Variants in TSPOAP1 observed in about 807,000 individuals in gnomAD.
The protein encoded by TSPOAP1 is peripheral-type benzodiazepine receptor-associated protein 1.
In TSPOAP1, 87 loss-of-function variants were observed where a neutral mutation model predicts 197.0. That is an observed-to-expected ratio of 0.44 (90% CI 0.37 to 0.53). The LOEUF (loss-of-function observed/expected upper bound fraction) is 0.53, where lower values mean the gene tolerates loss of function less well. TSPOAP1 is among the 20% of genes least tolerant of loss of function. The probability of loss-of-function intolerance (pLI) is 0.00; values close to 1 mark genes in which losing one functional copy is unlikely to be tolerated. For synonymous variants in TSPOAP1, 913 were observed against 998.9 expected (o/e 0.91, Z 1.62); for missense variants, 2,174 against 2,411.3 (o/e 0.90, Z 2.06).
intron 10 of TSPOAP1, among the ~76,000 whole-genome samples, chr17:58,321,086 T>G (rs1971391930): frequency 6.6e-6 from 1 of 152,110 alleles, no homozygotes; most frequent in African/African-American, 2.4e-5. Context: ...TGTATCCAAG[T>G]GCCTGTGGAC....
chr17:58,309,521 A>G lies in TSPOAP1; in HGVS notation c.3892-141T>C, dbSNP rs534665619. 1.4e-4 allele frequency: 167 copies of G among 1,229,236 alleles called. No individual in the cohort carries two copies. The South Asian group carries it at 2.5e-3, about 18-fold the overall frequency. The allele number at this position is 1,229,236 out of a possible 1,614,324, so 76.1% of individuals were successfully genotyped here. A position where few individuals can be genotyped will look rare whatever the true frequency, so the allele number is the denominator to read the frequency against. On this transcript the variant is annotated intron_variant, in intron 21 of 31. Coordinates refer to ENST00000343736, the MANE Select transcript of TSPOAP1 (RefSeq NM_004758.4). The surrounding 1 kb of genome is among the most constrained non-coding windows in gnomAD (Gnocchi z 5.0). ...CACAGCCCTCCCACGGCTTCCTCCG[A>G]GAGGAGAGAACCAGAGGGACGGTGG...
chr17:58,322,543 G>T lies in TSPOAP1; in HGVS notation c.1317+111C>A. On this transcript the variant is annotated intron_variant, in intron 9 of 31. Transcript: ENST00000343736. This position sits in a 1 kb window ranked among gnomAD's most constrained non-coding sequence, Gnocchi z 5.0. ...TACAAAGGAAACTGAGCCTGGAGCAGCTCCAGGCCCAGGCCTCAGAGCTAG... is the reference window on the plus strand; with the variant it reads ...TACAAAGGAAACTGAGCCTGGAGCATCTCCAGGCCCAGGCCTCAGAGCTAG... 6.4e-7 allele frequency: 1 copy of T among 1,557,296 alleles called. No individual in the cohort carries two copies. Among genetic ancestry groups the T allele is most frequent in the Admixed American group, 1.8e-5 (1 of 56,368 alleles).
chr17:58,303,387 G>A (rs866473046), intron 31 of TSPOAP1: 3 of 152,240 alleles, frequency 2.0e-5, no homozygotes, highest in African/African-American at 7.2e-5. Context: ...CAAGGAAAGT[G>A]GGTGCACAAC....
chr17:58,319,387 G>C, intron 12 of TSPOAP1, 93 bp from the exon 13 acceptor site: 1 of 1,355,000 alleles, frequency 7.4e-7, no homozygotes. Flanking sequence ...TGGGTTTCAG[G>C]TCATATCCAT....
intron 14 of TSPOAP1, 66 bp from the exon 15 acceptor site, chr17:58,316,606 T>C (rs1971244540): frequency 3.7e-6 from 5 of 1,359,486 alleles, no homozygotes. Context: ...GCAGGCAGGT[T>C]TCCAGGCTGA....
At chr17:58,306,765 G>A in intron 25 of TSPOAP1, 35 bp downstream of exon 25, 1 of 1,588,604 alleles carries the variant, frequency 6.3e-7, no homozygotes, top group Non-Finnish European at 8.6e-7. Context: ...AAGGGGGCTG[G>A]TGGGAGGTGG....
rs2143174922 is a variant in TSPOAP1 at position 58,327,790 on chromosome 17, T to C, written c.131A>G (p.Asp44Gly). The change falls in exon 1 of 32, where the codon GAT becomes GGT. Residue 44 changes from aspartate (D) to glycine (G), a missense_variant. Coordinates refer to ENST00000343736, the MANE Select transcript of TSPOAP1 (RefSeq NM_004758.4). ...EPSSAAPSIA[D>G]TPPAALQLQE... ...AAGCTGCAGAGCTGCCGGAGGAGTA[T>C]CAGCGATGCTTGGGGCTGCACTGCT... 1.2e-6 allele frequency: 2 copies of C among 1,614,174 alleles called. No homozygotes were observed. The highest frequency in any genetic ancestry group is 1.3e-5 in the African/African-American group (1 of 75,050).
intron 25 of TSPOAP1, 137 bp downstream of exon 25, chr17:58,306,663 C>T: frequency 8.6e-7 from 1 of 1,158,220 alleles, no homozygotes. Flanking sequence ...CACTACGCAG[C>T]AGGGTTCAAG....
Position 58,310,916 on chromosome 17 carries a change from G to A in TSPOAP1, c.3379C>T (p.Pro1127Ser), listed in dbSNP as rs749790178. Residue 1127 changes from proline (P) to serine (S), a missense_variant, in exon 19 of 32, where the codon CCT becomes TCT. Physicochemically the swap from Pro to Ser is moderately conservative, Grantham distance 74. Around this residue, in one of 5 missense-constraint regions of TSPOAP1, gnomAD observed 1,933 missense variants for 2,139.0 expected, o/e 0.90. Coordinates refer to ENST00000343736, the MANE Select transcript of TSPOAP1 (RefSeq NM_004758.4). ...QHPAPLGTQEPPGAPPASPSR... is the reference protein window; with the variant it reads ...QHPAPLGTQESPGAPPASPSR... ...GGGCTTGCAGGGGGTGCTCCTGGAG[G>A]CTCTTGAGTTCCAAGGGGAGCAGGG... 5 of 1,551,718 alleles carry A rather than the reference G, an allele frequency of 3.2e-6. No homozygotes were observed. The highest frequency in any genetic ancestry group is 2.3e-5 in the East Asian group (1 of 44,432).
chr17:58,317,593 G>A (rs528400450), intron 14 of TSPOAP1, among the ~76,000 whole-genome samples: 54 of 152,294 alleles, frequency 3.5e-4, no homozygotes, highest in African/African-American at 6.3e-4. Flanking sequence ...CCAGGGCTTC[G>A]TTCTACCACT....
intron 17 of TSPOAP1, 41 bp from the exon 18 acceptor site, chr17:58,311,763 T>A (rs1971084448): frequency 1.3e-6 from 2 of 1,523,048 alleles, no homozygotes; most frequent in South Asian, 2.6e-5. Flanking sequence ...TGCAGGACGC[T>A]CCCCATCAGA....
intron 30 of TSPOAP1, 52 bp downstream of exon 30, chr17:58,305,009 C>T (rs1192227571): frequency 7.2e-7 from 1 of 1,386,788 alleles, no homozygotes; most frequent in South Asian, 1.2e-5. Context: ...CCTACCACCC[C>T]ACCAGTAGGG....
chr17:58,305,821 A>C lies in TSPOAP1; in HGVS notation c.5257+12T>G. ...CTTCCCCAGCCTCCCGGGCCCAGGG[A>C]TATTCCTTCACCTGGACAGGGCTGG... On this transcript the variant is annotated intron_variant, in intron 27 of 31. Coordinates refer to ENST00000343736, the MANE Select transcript of TSPOAP1 (RefSeq NM_004758.4). 6.2e-7 allele frequency: 1 copy of C among 1,612,952 alleles called. No individual in the cohort carries two copies. The highest frequency in any genetic ancestry group is 8.5e-7 in the Non-Finnish European group (1 of 1,179,686).
chr17:58,325,181 G>A (rs1056108685), intron 4 of TSPOAP1, among the ~76,000 whole-genome samples, 179 bp from the exon 5 acceptor site: 22 of 152,154 alleles, frequency 1.4e-4, no homozygotes, highest in African/African-American at 4.6e-4. Context: ...ATGCTCCCGC[G>A]AGCCCCTATG....
rs372763952 is a variant in TSPOAP1, at chr17:58,308,646, G to A, written c.4626C>T (p.Ala1542=). The A allele has an allele frequency of 6.2e-6, 10 of 1,609,744 alleles. No homozygotes were observed. Among genetic ancestry groups the A allele is most frequent in the Admixed American group, 5.0e-5 (3 of 59,856 alleles). The change falls in exon 22 of 32, where the codon GCC becomes GCT. Residue 1542 remains alanine (A), a synonymous_variant. Coordinates refer to ENST00000343736, the MANE Select transcript of TSPOAP1 (RefSeq NM_004758.4). Reference sequence around the variant, plus strand: ...GTGGGTAGGGCTTGGGGCCTGAATTGGCCTTCGGAGGCCCCCTGGGCCTTC... The same window carrying A: ...GTGGGTAGGGCTTGGGGCCTGAATTAGCCTTCGGAGGCCCCCTGGGCCTTC... ...TVGRPRGPPK[A]NSGPKPYPRL...
chr17:58,325,639 C>T lies in TSPOAP1; in HGVS notation c.645G>A (p.Arg215=). ...CRKALARQRA[R]DLSETASALL... is the part of the protein sequence containing the mutation. ...GTGCACTGGCTGTCTCACTGAGGTC[C>T]CGGGCTCGCTGGCGGGCTAGGGCCT... The change falls in exon 4 of 32, where the codon CGG becomes CGA. Residue 215 remains arginine, a synonymous_variant. Transcript: ENST00000343736. 1 of 1,613,538 alleles carries T rather than the reference C, an allele frequency of 6.2e-7. No individual in the cohort carries two copies. Among genetic ancestry groups the T allele is most frequent in the South Asian group, 1.1e-5 (1 of 91,074 alleles).
rs1971015660 is a variant in TSPOAP1 at position 58,309,500 on chromosome 17, GC to G, written c.3892-121del. 2.3e-6 allele frequency: 3 copies of G among 1,326,576 alleles called. No homozygotes were observed. The highest frequency in any genetic ancestry group is 3.0e-6 in the Non-Finnish European group (3 of 995,956). The allele number at this position is 1,326,576 out of a possible 1,614,324, so 82.2% of individuals were successfully genotyped here. Reference sequence around the variant, plus strand: ...GGCAGGGGTTACGGACAACCCCACAGCCCTCCCACGGCTTCCTCCGAGAGGA... The same window carrying G: ...GGCAGGGGTTACGGACAACCCCACAGCCTCCCACGGCTTCCTCCGAGAGGA... On this transcript the variant is annotated intron_variant, in intron 21 of 31. Coordinates refer to ENST00000343736, the MANE Select transcript of TSPOAP1 (RefSeq NM_004758.4). The surrounding 1 kb of genome is among the most constrained non-coding windows in gnomAD (Gnocchi z 5.0).
In TSPOAP1 at chr17:58,310,977, G is replaced by T; in HGVS notation, c.3318C>A (p.Ser1106=). 1 of 1,596,522 alleles carries T rather than the reference G, an allele frequency of 6.3e-7. No individual in the cohort carries two copies. Among genetic ancestry groups the T allele is most frequent in the East Asian group, 2.2e-5 (1 of 44,594 alleles). The part of the protein sequence containing the change: ...PEARAPLASA[S]PGPGDPSSPL... ...GAGAGCTGGGGTCTCCAGGCCCTGGGGAGGCTGAAGCAAGGGGCGCTCTGG... is the reference window on the plus strand; with the variant it reads ...GAGAGCTGGGGTCTCCAGGCCCTGGTGAGGCTGAAGCAAGGGGCGCTCTGG... Residue 1106 remains serine (S), a synonymous_variant, in exon 19 of 32, where the codon TCC becomes TCA. Coordinates refer to ENST00000343736, the MANE Select transcript of TSPOAP1 (RefSeq NM_004758.4).
At chr17:58,307,421 C>A (rs1567838992) in intron 24 of TSPOAP1, 190 bp downstream of exon 24, 3 of 712,502 alleles carry the variant, frequency 4.2e-6, no homozygotes, top group South Asian at 2.0e-5. Context: ...AACTGAGGCC[C>A]AGGGGGCCTA....
Sources: allele counts gnomAD v4.1 joint callset (sites outside exome capture counted in the v4.1 genomes callset), GRCh38; gene constraint gnomAD v4.1.1; regional missense constraint gnomAD v4.1.1; non-coding constraint Gnocchi (gnomAD v3.1); transcripts MANE v1.5; gene names NCBI Gene and HGNC (gene_info 2026-07-23, HGNC 2026-07-21).